EGFLAM: variants seen among roughly 807,000 people sequenced by gnomAD.
The protein encoded by EGFLAM is EGF like, fibronectin type III and laminin G domains.
In EGFLAM, 79 loss-of-function variants were observed where a neutral mutation model predicts 113.1. That is an observed-to-expected ratio of 0.70 (90% CI 0.58 to 0.84). The LOEUF (loss-of-function observed/expected upper bound fraction) is 0.84. Among genes scored for constraint, EGFLAM ranks in the 40% least tolerant of loss-of-function variants. The pLI is 0.00. For missense variants in EGFLAM, 1,265 were observed against 1,291.6 expected (o/e 0.98, Z 0.32); for synonymous variants, 504 against 487.6 (o/e 1.03, Z -0.44).
At chr5:38,445,930 C>T (rs6875653) in intron 17 of EGFLAM, among the ~76,000 whole-genome samples, 18,487 of 152,108 alleles carry the variant, frequency 0.12, 3,686 homozygotes, top group African/African-American at 0.42. Flanking sequence ...TGTGCAGAGC[C>T]GATGTGTGGC....
chr5:38,326,219 T>C (rs10069018), intron 1 of EGFLAM, among the ~76,000 whole-genome samples: 6,443 of 152,218 alleles, frequency 0.042, 470 homozygotes, highest in African/African-American at 0.15. Flanking sequence ...TCCACTGCTA[T>C]GATGGGGGCC....
chr5:38,259,936 T>C (rs1291972137), intron 1 of EGFLAM, among the ~76,000 whole-genome samples: 1 of 152,252 alleles, frequency 6.6e-6, no homozygotes, highest in Non-Finnish European at 1.5e-5. Context: ...TGAAACTCTC[T>C]ATCTGGAAAT....
intron 1 of EGFLAM, among the ~76,000 whole-genome samples, chr5:38,262,274 T>C (rs1757518164): frequency 6.6e-6 from 1 of 152,220 alleles, no homozygotes. Flanking sequence ...TCCAGACAAC[T>C]GCGGGAACCA....
In EGFLAM at chr5:38,403,737, T is replaced by G; in HGVS notation, c.713-2389T>G. On this transcript the variant is annotated intron_variant, in intron 6 of 21. Coordinates refer to ENST00000322350, the MANE Select transcript of EGFLAM (RefSeq NM_152403.4). ...TGGACTGTGGTTGATCGAGGGTAAA[T>G]GAAATTGCAGAAAGCAAAAATACAG... 10 of 1,524,720 alleles carry G rather than the reference T, an allele frequency of 6.6e-6. No homozygotes were observed. In the South Asian group the frequency reaches 1.2e-4, roughly 18 times the overall value. 94.4% of individuals were successfully genotyped at this position (1,524,720 alleles called of 1,614,324 possible).
intron 6 of EGFLAM, among the ~76,000 whole-genome samples, chr5:38,392,031 T>C (rs1740828105): frequency 6.6e-6 from 1 of 152,204 alleles, no homozygotes; most frequent in Non-Finnish European, 1.5e-5. Flanking sequence ...TGGGAATTTG[T>C]TGTACAGATT....
At chr5:38,290,311 G>T (rs1237541587) in intron 1 of EGFLAM, among the ~76,000 whole-genome samples, 1 of 152,140 alleles carries the variant, frequency 6.6e-6, no homozygotes, top group African/African-American at 2.4e-5. Flanking sequence ...TTGTTCTTGA[G>T]ATGTTAACTC....
At chr5:38,263,808 A>C (rs1757563040) in intron 1 of EGFLAM, among the ~76,000 whole-genome samples, 1 of 152,138 alleles carries the variant, frequency 6.6e-6, no homozygotes, top group Non-Finnish European at 1.5e-5. Flanking sequence ...GAGGTGTGAG[A>C]TATAAGTCAA....
chr5:38,312,556 T>C (rs1738484741), intron 1 of EGFLAM, among the ~76,000 whole-genome samples: 2 of 152,120 alleles, frequency 1.3e-5, no homozygotes, highest in African/African-American at 4.8e-5. Flanking sequence ...GATTCTTATA[T>C]GTAAAACAGG....
chr5:38,431,208 C>A lies in EGFLAM; in HGVS notation c.2086C>A (p.His696Asn). 6.2e-7 allele frequency: 1 copy of A among 1,614,142 alleles called. No homozygotes were observed. Among genetic ancestry groups the A allele is most frequent in the Non-Finnish European group, 8.5e-7 (1 of 1,179,998 alleles). The change falls in exon 15 of 22, where the codon CAC (histidine) becomes AAC (asparagine). Residue 696 changes from histidine to asparagine, a missense_variant. Coordinates refer to ENST00000322350, the MANE Select transcript of EGFLAM (RefSeq NM_152403.4). ...SEDPLTLGNW[H>N]ELRVSRTAKN... ...AGATCCCCTCACCCTGGGCAACTGG[C>A]ACGAGCTTCGTGTATCTCGCACAGC...
rs76613685 is a variant in EGFLAM at position 38,414,343 on chromosome 5, G to A, written c.1494+1695G>A. Among the ~76,000 whole-genome samples, 1,476 of 152,270 alleles carry A rather than the reference G, an allele frequency of 9.7e-3. 30 individuals are homozygous for A. Among genetic ancestry groups the A allele is most frequent in the African/African-American group, 0.034 (1,418 of 41,538 alleles). On this transcript the variant is annotated intron_variant, in intron 11 of 21. Coordinates refer to ENST00000322350, the MANE Select transcript of EGFLAM (RefSeq NM_152403.4). ...ATAGGAATAAAGAAACTTCTAGCTT[G>A]GGTCCAAAATACTAACATGAAGACA...
At position 38,461,810 on chromosome 5, in the gene EGFLAM, A is replaced by G. The variant is rs145625971; in HGVS notation, c.2772-1098A>G. Among the ~76,000 whole-genome samples, 41 of 152,276 alleles carry G rather than the reference A, an allele frequency of 2.7e-4. 1 individual carries two copies. The East Asian group carries it at 2.7e-3, about 10-fold the overall frequency. On this transcript the variant is annotated intron_variant, in intron 20 of 21. Transcript: ENST00000322350. ...GAAAACTACAAAGCCCTTGCCACCA[A>G]TGAACACCTCCCTCTTCCTGTCGTC...
intron 8 of EGFLAM, among the ~76,000 whole-genome samples, chr5:38,407,394 A>T (rs766212811): frequency 1.2e-4 from 18 of 152,244 alleles, no homozygotes; most frequent in Admixed American, 5.9e-4. Context: ...TCAATAAATC[A>T]TCCTGATACT....
At chr5:38,279,523 T>C (rs1180450371) in intron 1 of EGFLAM, among the ~76,000 whole-genome samples, 2 of 152,186 alleles carry the variant, frequency 1.3e-5, no homozygotes, top group Non-Finnish European at 1.5e-5. Context: ...CACAATGATA[T>C]ATTATTCACC....
chr5:38,445,851 A>T (rs533773618), intron 17 of EGFLAM: 250 of 873,062 alleles, frequency 2.9e-4, no homozygotes, highest in Non-Finnish European at 4.2e-4. Flanking sequence ...GCCAGAGGAC[A>T]CTTCTCTCCT....
intron 5 of EGFLAM, 118 bp downstream of exon 5, chr5:38,352,449 C>T (rs1739654159): frequency 7.6e-7 from 1 of 1,308,588 alleles, no homozygotes. Context: ...GAGTTCGAGA[C>T]CAGCCTGACC....
At chr5:38,281,998 T>A (rs1758032701) in intron 1 of EGFLAM, among the ~76,000 whole-genome samples, 1 of 152,202 alleles carries the variant, frequency 6.6e-6, no homozygotes, top group Non-Finnish European at 1.5e-5. Context: ...ACTAACCTCA[T>A]ATTACTTTAG....
intron 1 of EGFLAM, among the ~76,000 whole-genome samples, chr5:38,325,709 A>G (rs926046905): frequency 7.9e-5 from 12 of 152,214 alleles, no homozygotes; most frequent in Non-Finnish European, 1.8e-4. Flanking sequence ...TAATTTATCC[A>G]TCTCTTTACT....
intron 2 of EGFLAM, 35 bp from the exon 3 acceptor site, chr5:38,338,663 C>T (rs1286404473): frequency 6.2e-7 from 1 of 1,600,784 alleles, no homozygotes; most frequent in Non-Finnish European, 8.6e-7. Context: ...CAAGCACGGG[C>T]TCTGCTCTCA....
chr5:38,356,777 T>C (rs984700325), intron 5 of EGFLAM, among the ~76,000 whole-genome samples: 3 of 152,212 alleles, frequency 2.0e-5, no homozygotes, highest in Non-Finnish European at 4.4e-5. Flanking sequence ...TCTCAGAGCC[T>C]ATCCCATTAT....
Sources: gnomAD v4.1 joint callset for allele counts (sites outside exome capture counted in the v4.1 genomes callset) on GRCh38, gnomAD v4.1.1 for gene constraint, MANE v1.5 for transcripts, NCBI Gene and HGNC (gene_info 2026-07-23, HGNC 2026-07-21) for gene names.